RABGAP1L: variants seen among roughly 807,000 people sequenced by gnomAD.
RABGAP1L encodes rab GTPase-activating protein 1-like.
A neutral mutation model predicts 137.7 loss-of-function variants in RABGAP1L; 63 were observed. That is an observed-to-expected ratio of 0.46 (90% CI 0.37 to 0.56). The LOEUF is 0.56. Among genes scored for constraint, RABGAP1L ranks in the 20% least tolerant of loss-of-function variants. The pLI is 0.00. For synonymous variants in RABGAP1L, 431 were observed against 433.7 expected, an observed-to-expected ratio of 0.99 and a Z score of 0.08; for missense variants, 1,095 against 1,244.0, an observed-to-expected ratio of 0.88 and a Z score of 1.80.
At chr1:174,184,527 C>G (rs944064492) in intron 1 of RABGAP1L, among the ~76,000 whole-genome samples, 1 of 152,094 alleles carries the variant, frequency 6.6e-6, no homozygotes, top group Non-Finnish European at 1.5e-5. Context: ...AATGAAATGA[C>G]ATCATAAATT....
chr1:174,460,780 A>G (rs1656598037), intron 13 of RABGAP1L, among the ~76,000 whole-genome samples: 1 of 152,038 alleles, frequency 6.6e-6, no homozygotes, highest in South Asian at 2.1e-4. Context: ...TAGCCCCTAT[A>G]GGGAATTTGT....
At chr1:174,247,794 C>G (rs78059221) in intron 5 of RABGAP1L, among the ~76,000 whole-genome samples, 5,903 of 152,266 alleles carry the variant, frequency 0.039, 161 homozygotes, top group Non-Finnish European at 0.06. Flanking sequence ...ATCACGTCCT[C>G]CAGCCTCTGC....
At chr1:174,688,664 C>T (rs1678652877) in intron 15 of RABGAP1L, among the ~76,000 whole-genome samples, 1 of 151,930 alleles carries the variant, frequency 6.6e-6, no homozygotes, top group African/African-American at 2.4e-5. Context: ...CTCAAATGTC[C>T]ACTACTAAAA....
At chr1:174,928,840 G>GTCTC (rs1359199875) in intron 19 of RABGAP1L, among the ~76,000 whole-genome samples, 1 of 152,178 alleles carries the variant, frequency 6.6e-6, no homozygotes, top group African/African-American at 2.4e-5. Context: ...GATAGAGCCT[G>GTCTC]TCTCTACCCT....
chr1:174,327,986 CATATATATATATATATATATATATAT>C (rs3057021), intron 11 of RABGAP1L, among the ~76,000 whole-genome samples: 3 of 53,650 alleles, frequency 5.6e-5, no homozygotes, highest in Admixed American at 2.2e-4. Context: ...TATACACACA[CATATATATATATATATATATATATAT>C]ATATATATAT....
At chr1:174,432,152 A>G (rs1366685051) in intron 13 of RABGAP1L, among the ~76,000 whole-genome samples, 3 of 152,116 alleles carry the variant, frequency 2.0e-5, no homozygotes, top group African/African-American at 4.8e-5. Context: ...TATTGTTGCT[A>G]TCTTTATGTC....
intron 10 of RABGAP1L, among the ~76,000 whole-genome samples, chr1:174,293,852 CTATT>C (rs1676856656): frequency 6.6e-6 from 1 of 152,078 alleles, no homozygotes; most frequent in African/African-American, 2.4e-5. Context: ...TGAGTATTAT[CTATT>C]CTCTGTTCTA....
At chr1:174,767,317 A>G (rs921889914) in intron 18 of RABGAP1L, among the ~76,000 whole-genome samples, 5 of 152,212 alleles carry the variant, frequency 3.3e-5, no homozygotes, top group African/African-American at 4.8e-5. Context: ...CTTTTGATCC[A>G]TGAACATGAG....
intron 10 of RABGAP1L, among the ~76,000 whole-genome samples, chr1:174,280,201 C>T (rs1179691120): frequency 6.6e-6 from 1 of 152,126 alleles, no homozygotes; most frequent in African/African-American, 2.4e-5. Flanking sequence ...TAGCTTCTTT[C>T]TACACCTCCA....
chr1:174,897,732 G>A (rs141942676), intron 19 of RABGAP1L: 7,602 of 152,486 alleles, frequency 0.05, 279 homozygotes, highest in Non-Finnish European at 0.073. Flanking sequence ...GCTCACACCT[G>A]TAATCCCAGC....
Position 174,241,558 on chromosome 1 carries a change from T to C in RABGAP1L, c.618T>C (p.His206=). 1 of 1,613,364 alleles carries C rather than the reference T, an allele frequency of 6.2e-7. No individual in the cohort carries two copies. The highest frequency in any genetic ancestry group is 8.5e-7 in the Non-Finnish European group (1 of 1,179,320). The change falls in exon 5 of 26, where the codon CAT becomes CAC. Residue 206 remains histidine, a synonymous_variant. Coordinates refer to ENST00000681986, the MANE Select transcript of RABGAP1L (RefSeq NM_001366446.1). ...AGGTGTTATTCTGTGCACGTGGACA[T>C]GACGGAACAACAGAGAGCAATTGCT... ...IYKVLFCARG[H]DGTTESNCFA... is the part of the protein sequence containing the mutation.
chr1:174,471,227 G>A (rs1013879355), intron 13 of RABGAP1L, among the ~76,000 whole-genome samples: 2 of 152,054 alleles, frequency 1.3e-5, no homozygotes, highest in Non-Finnish European at 2.9e-5. Flanking sequence ...CCTTTTGATC[G>A]AATGTGATTA....
intron 13 of RABGAP1L, among the ~76,000 whole-genome samples, chr1:174,613,464 GCTTTA>G (rs1301699086): frequency 6.6e-6 from 1 of 152,082 alleles, no homozygotes; most frequent in Non-Finnish European, 1.5e-5. Context: ...GCTGAGGAGA[GCTTTA>G]CTTCCAACTA....
At chr1:174,644,881 C>T (rs1674823980) in intron 14 of RABGAP1L, among the ~76,000 whole-genome samples, 1 of 152,110 alleles carries the variant, frequency 6.6e-6, no homozygotes, top group African/African-American at 2.4e-5. Flanking sequence ...AATTGCCCTA[C>T]TCCTCCTTCC....
In RABGAP1L at chr1:174,948,509, C is replaced by CAAAAA. The variant is rs3086627; in HGVS notation, c.2341-8929_2341-8925dup. On this transcript the variant is annotated intron_variant, in intron 19 of 25. Coordinates refer to ENST00000681986, the MANE Select transcript of RABGAP1L (RefSeq NM_001366446.1). ...GCAGCCACAGAGCGAGACCCTGCCT[C>CAAAAA]AAAAAAAAAAAAAAAAAAAAAAAGG... Among the ~76,000 whole-genome samples the CAAAAA allele has an allele frequency of 8.0e-4, 52 of 64,844 alleles. 5 individuals are homozygous for CAAAAA. The highest frequency in any genetic ancestry group is 2.8e-3 in the African/African-American group (42 of 14,992). 42.5% of individuals were successfully genotyped at this position (64,844 alleles called of 152,430 possible). A position where few individuals can be genotyped will look rare whatever the true frequency, so the allele number is the denominator to read the frequency against.
chr1:174,298,228 TC>T (rs1481763151), intron 10 of RABGAP1L, among the ~76,000 whole-genome samples: 2 of 151,488 alleles, frequency 1.3e-5, no homozygotes, highest in African/African-American at 4.9e-5. Flanking sequence ...GCGTCCTCTT[TC>T]CGTCTTCTGT....
chr1:174,491,054 G>A (rs1341136993), intron 13 of RABGAP1L, among the ~76,000 whole-genome samples: 1 of 151,998 alleles, frequency 6.6e-6, no homozygotes, highest in Non-Finnish European at 1.5e-5. Context: ...CCTGCCTCAT[G>A]CTCTATCTCC....
At chr1:174,489,058 G>A (rs979218845) in intron 13 of RABGAP1L, among the ~76,000 whole-genome samples, 2 of 151,726 alleles carry the variant, frequency 1.3e-5, no homozygotes, top group Non-Finnish European at 2.9e-5. Context: ...CAGAATGATG[G>A]TTTCTAGCTT....
At chr1:174,350,074 G>A (rs1682969900) in intron 11 of RABGAP1L, among the ~76,000 whole-genome samples, 1 of 137,394 alleles carries the variant, frequency 7.3e-6, no homozygotes, top group Admixed American at 6.9e-5. Flanking sequence ...CGGGGCGGCT[G>A]GCTGGGCGGG....
Sources: gnomAD v4.1 joint callset for allele counts (sites outside exome capture counted in the v4.1 genomes callset) on GRCh38, gnomAD v4.1.1 for gene constraint, MANE v1.5 for transcripts, NCBI Gene and HGNC (gene_info 2026-07-23, HGNC 2026-07-21) for gene names.